The following RTL4 variants were observed in gnomAD, a reference collection of about 807,000 sequenced individuals.
RTL4 encodes retrotransposon Gag like 4.
A neutral mutation model predicts 5.3 loss-of-function variants in RTL4; 4 were observed. The ratio of observed to expected loss-of-function variants is 0.75; its 90% CI spans 0.37 to 1.72. The LOEUF (loss-of-function observed/expected upper bound fraction) is 1.72. RTL4 is among the 40% of genes most tolerant of loss of function. The probability of loss-of-function intolerance (pLI) is 0.04; values close to 1 mark genes in which losing one functional copy is unlikely to be tolerated. For synonymous variants in RTL4, 98 were observed against 87.3 expected, an observed-to-expected ratio of 1.12 and a Z score of -0.68; for missense variants, 260 against 227.1, an observed-to-expected ratio of 1.14 and a Z score of -0.93.
the RTL4 span, among the ~76,000 whole-genome samples, chrX:112,236,317 A>C: frequency 9.6e-6 from 1 of 104,017 alleles, no homozygotes; most frequent in Non-Finnish European, 2.0e-5. Context: ...TATCTAGCTC[A>C]CAAGATTATT....
chrX:112,252,087 T>A, the RTL4 span, among the ~76,000 whole-genome samples: 2 of 112,062 alleles, frequency 1.8e-5, no homozygotes, highest in African/African-American at 6.5e-5. Context: ...GCTACTGTTC[T>A]CTTTATCAAA....
At chrX:112,158,233 C>T in the RTL4 span, among the ~76,000 whole-genome samples, 1 of 111,623 alleles carries the variant, frequency 9.0e-6, no homozygotes, top group African/African-American at 3.3e-5. Context: ...AATATCTTTC[C>T]AAACAACAGC....
chrX:112,417,802 C>A, the RTL4 span, among the ~76,000 whole-genome samples: 1 of 111,100 alleles, frequency 9.0e-6, no homozygotes, highest in Non-Finnish European at 1.9e-5. Context: ...AAATTAAAAC[C>A]AAACAAAACA....
At chrX:112,213,528 A>T in the RTL4 span, among the ~76,000 whole-genome samples, 3 of 112,429 alleles carry the variant, frequency 2.7e-5, no homozygotes, top group Non-Finnish European at 5.6e-5. Flanking sequence ...TGTCATACAA[A>T]CATATTTTGT....
the RTL4 span, among the ~76,000 whole-genome samples, chrX:112,119,234 A>G: frequency 1.8e-5 from 2 of 110,647 alleles, no homozygotes; most frequent in South Asian, 3.9e-4. Context: ...TCAAGGGAAG[A>G]CAGAGAGGTA....
the RTL4 span, among the ~76,000 whole-genome samples, chrX:112,340,487 G>T: frequency 9.4e-6 from 1 of 106,572 alleles, no homozygotes; most frequent in Admixed American, 1.0e-4. Flanking sequence ...CCAAAAATTA[G>T]CCAGAGAAGG....
chrX:112,173,550 T>C, the RTL4 span, among the ~76,000 whole-genome samples: 1 of 111,407 alleles, frequency 9.0e-6, no homozygotes, highest in Non-Finnish European at 1.9e-5. Flanking sequence ...CACCCTACTC[T>C]TGAGAGAGCT....
At chrX:112,202,238 A>C in the RTL4 span, among the ~76,000 whole-genome samples, 1 of 111,600 alleles carries the variant, frequency 9.0e-6, no homozygotes, top group Non-Finnish European at 1.9e-5. Context: ...TACCTTTTGG[A>C]GTTGGCTTTT....
the RTL4 span, among the ~76,000 whole-genome samples, chrX:112,435,710 G>A: frequency 8.9e-5 from 10 of 111,783 alleles, no homozygotes; most frequent in Admixed American, 9.5e-4. Context: ...TCCGAAAAGA[G>A]ACAAGTGATA....
chrX:112,153,595 T>C, the RTL4 span, among the ~76,000 whole-genome samples: 1 of 112,202 alleles, frequency 8.9e-6, no homozygotes, highest in African/African-American at 3.2e-5. Flanking sequence ...TGTAAGCTAA[T>C]ATAATAACAG....
At chrX:112,311,204 T>A in the RTL4 span, among the ~76,000 whole-genome samples, 7 of 110,216 alleles carry the variant, frequency 6.4e-5, no homozygotes, top group Non-Finnish European at 1.3e-4. Flanking sequence ...AGGCATTGTG[T>A]GTGATAAGGC....
the RTL4 span, among the ~76,000 whole-genome samples, chrX:112,260,869 T>A: frequency 3.7e-3 from 417 of 111,803 alleles, 1 homozygote; most frequent in Non-Finnish European, 4.9e-3. Flanking sequence ...ATACCTAATC[T>A]TAGATAAGCA....
the RTL4 span, among the ~76,000 whole-genome samples, chrX:112,307,001 C>T: frequency 6.3e-5 from 7 of 110,907 alleles, no homozygotes; most frequent in Admixed American, 1.9e-4. Context: ...GTGTGTATGC[C>T]GCCTCTGGGA....
chrX:112,140,828 G>C, the RTL4 span, among the ~76,000 whole-genome samples: 3 of 111,798 alleles, frequency 2.7e-5, no homozygotes, highest in Admixed American at 2.8e-4. Context: ...TTCACTCTTT[G>C]TGTTATACAT....
rs368859857 is a variant in RTL4, at chrX:112,455,546, G to A, written c.818G>A (p.Arg273His). The A allele has an allele frequency of 8.0e-5, 97 of 1,209,450 alleles. No individual in the cohort carries two copies. Among genetic ancestry groups the A allele is most frequent in the South Asian group, 1.1e-4 (6 of 56,777 alleles). Residue 273 changes from arginine to histidine, a missense_variant, in exon 1 of 1, where the codon CGC becomes CAC. Arg to His is a conservative substitution (Grantham distance 29, BLOSUM62 0). Transcript: ENST00000340433. ...CCTCTCACCCCAGCCAAACGAGCCC[G>A]CCAGCAAGAAACTCAGTTGTGCCTC...
the RTL4 span, among the ~76,000 whole-genome samples, chrX:112,181,204 G>C: frequency 1.8e-5 from 2 of 111,652 alleles, no homozygotes; most frequent in Non-Finnish European, 3.8e-5. Context: ...AGATTTGCTT[G>C]GGTACCTACA....
chrX:112,144,226 G>A, the RTL4 span, among the ~76,000 whole-genome samples: 1 of 111,575 alleles, frequency 9.0e-6, no homozygotes, highest in Non-Finnish European at 1.9e-5. Context: ...GCCGTTTGGA[G>A]TCAAATTGCC....
chrX:112,299,992 A>G, the RTL4 span, among the ~76,000 whole-genome samples: 3 of 111,405 alleles, frequency 2.7e-5, no homozygotes, highest in African/African-American at 9.8e-5. Flanking sequence ...CTCCCTGTCC[A>G]TTGGTAGTCC....
At chrX:112,422,538 G>A in the RTL4 span, among the ~76,000 whole-genome samples, 3 of 110,473 alleles carry the variant, frequency 2.7e-5, no homozygotes, top group African/African-American at 9.9e-5. Flanking sequence ...ATCTTTTATT[G>A]TTGCTCTGGT....
Sources: gnomAD v4.1 joint callset for allele counts (sites outside exome capture counted in the v4.1 genomes callset) on GRCh38, gnomAD v4.1.1 for gene constraint, MANE v1.5 for transcripts, NCBI Gene and HGNC (gene_info 2026-07-23, HGNC 2026-07-21) for gene names.